Variants in SP110 observed in about 807,000 individuals in gnomAD.
SP110 encodes the protein interferon-induced protein 41, 30kD.
A neutral mutation model predicts 92.7 loss-of-function variants in SP110; 62 were observed. The observed-to-expected ratio is 0.67, with a 90% CI of 0.55 to 0.83. The LOEUF (loss-of-function observed/expected upper bound fraction) is 0.83, where lower values mean the gene tolerates loss of function less well. Among genes scored for constraint, SP110 ranks in the 40% least tolerant of loss-of-function variants. The probability of loss-of-function intolerance (pLI) is 0.00; values close to 1 mark genes in which losing one functional copy is unlikely to be tolerated. For synonymous variants in SP110, 273 were observed against 305.3 expected, an observed-to-expected ratio of 0.89 and a Z score of 1.10; for missense variants, 793 against 863.9, an observed-to-expected ratio of 0.92 and a Z score of 1.03.
At chr2:230,187,176 C>A (rs1238589464) in intron 10 of SP110, among the ~76,000 whole-genome samples, 1 of 151,758 alleles carries the variant, frequency 6.6e-6, no homozygotes, top group Admixed American at 6.6e-5. Context: ...TTTTTTTTGA[C>A]TTCTTAATAA....
At chr2:230,208,280 C>T (rs1375915310) in intron 7 of SP110, among the ~76,000 whole-genome samples, 1 of 152,088 alleles carries the variant, frequency 6.6e-6, no homozygotes, top group Non-Finnish European at 1.5e-5. Context: ...TTAGGTAGCT[C>T]ATTTCTAGAA....
upstream of SP110, among the ~76,000 whole-genome samples, chr2:230,222,840 G>GTT (rs35018428): frequency 5.7e-4 from 74 of 128,892 alleles, no homozygotes; most frequent in South Asian, 1.6e-3. Flanking sequence ...GTGTATTAAA[G>GTT]TTTTTTTTTT....
At chr2:230,204,700 A>C (rs965384264) in intron 8 of SP110, among the ~76,000 whole-genome samples, 21 of 152,306 alleles carry the variant, frequency 1.4e-4, no homozygotes, top group South Asian at 4.1e-4. Flanking sequence ...ATTACAATAG[A>C]GTATTTGGAA....
intron 10 of SP110, among the ~76,000 whole-genome samples, chr2:230,194,324 G>T (rs1050745494): frequency 6.6e-6 from 1 of 152,112 alleles, no homozygotes; most frequent in African/African-American, 2.4e-5. Context: ...AAAGGGGCCA[G>T]GTGCAGGGGC....
At chr2:230,181,716 G>T (rs573524627) in intron 12 of SP110, among the ~76,000 whole-genome samples, 18 of 152,346 alleles carry the variant, frequency 1.2e-4, no homozygotes, top group African/African-American at 4.3e-4. Flanking sequence ...CCACATCACT[G>T]AGCATTAGAG....
At chr2:230,172,310 C>T in intron 15 of SP110, 136 bp from the exon 16 acceptor site, 1 of 732,416 alleles carries the variant, frequency 1.4e-6, no homozygotes, top group Non-Finnish European at 2.5e-6. Context: ...TGTCCAAGAT[C>T]CCCACATGGG....
At chr2:230,217,375 G>A (rs1442078580) in intron 1 of SP110, among the ~76,000 whole-genome samples, 1 of 152,064 alleles carries the variant, frequency 6.6e-6, no homozygotes, top group Non-Finnish European at 1.5e-5. Context: ...GCAAAGCAAT[G>A]TCTGCCTAAA....
At position 230,165,916 on chromosome 2, in the gene SP110, CAG is replaced by C. The variant is rs2078305124; in HGVS notation, c.*3206_*3207del. Among the ~76,000 whole-genome samples, 2 of 106,978 alleles carry C rather than the reference CAG, an allele frequency of 1.9e-5. No individual in the cohort carries two copies. The highest frequency in any genetic ancestry group is 2.0e-5 in the Non-Finnish European group (1 of 50,028). The allele number at this position is 106,978 out of a possible 152,430, so 70.2% of individuals were successfully genotyped here. On this transcript the variant is annotated 3_prime_UTR_variant, in exon 19 of 19. Transcript: ENST00000258381. The stretch of plus-strand genomic sequence containing the variant: ...ATAACTTTTTTTTTTTTTTTTGAAA[CAG>C]AGTCTTACTCTGTTGCCCAGGCTGG...
intron 6 of SP110, 111 bp from the exon 7 acceptor site, chr2:230,210,119 G>A (rs556540639): frequency 3.0e-4 from 231 of 779,098 alleles, no homozygotes; most frequent in Non-Finnish European, 4.8e-4. Context: ...GCCCAGGGCC[G>A]GGAATCTGCT....
intron 13 of SP110, 90 bp downstream of exon 13, chr2:230,178,067 T>C (rs2148715550): frequency 1.2e-6 from 1 of 817,968 alleles, no homozygotes; most frequent in Non-Finnish European, 2.1e-6. Flanking sequence ...AGGGTCCATT[T>C]CCTGATCAAT....
intron 18 of SP110, among the ~76,000 whole-genome samples, chr2:230,170,126 T>C (rs1451629393): frequency 1.3e-5 from 2 of 152,196 alleles, no homozygotes; most frequent in Non-Finnish European, 1.5e-5. Flanking sequence ...TGTCCCTCCC[T>C]AGTAAAGGAG....
chr2:230,211,562 A>G lies in SP110; in HGVS notation c.668-9T>C. On this transcript the variant is annotated splice_polypyrimidine_tract_variant and intron_variant, in intron 5 of 18. Transcript: ENST00000258381. This position sits in a 1 kb window ranked among gnomAD's most constrained non-coding sequence, Gnocchi z 4.2. The stretch of plus-strand genomic sequence containing the variant: ...CAGGTTGTCACTGGCCACTGAATGG[A>G]GGAAGAAAAAGTTTTAGATCTCAGG... 3 of 1,558,228 alleles carry G rather than the reference A, an allele frequency of 1.9e-6. No individual in the cohort carries two copies. Among genetic ancestry groups the G allele is most frequent in the Non-Finnish European group, 2.7e-6 (3 of 1,129,150 alleles).
chr2:230,197,284 T>C (rs202032419), intron 10 of SP110, among the ~76,000 whole-genome samples: 36,251 of 149,044 alleles, frequency 0.24, 5,349 homozygotes, highest in Non-Finnish European at 0.34. Flanking sequence ...TGCATTTCTC[T>C]GATGGCCAGT....
chr2:230,211,485 A>G lies in SP110; in HGVS notation c.736T>C (p.Leu246=). 1 of 1,605,780 alleles carries G rather than the reference A, an allele frequency of 6.2e-7. No individual in the cohort carries two copies. The highest frequency in any genetic ancestry group is 8.5e-7 in the Non-Finnish European group (1 of 1,172,318). ...EDPQEMPHSP[L]GSMPEIRDNS... ...CCAAGATTACCTGGCATAGAGCCCA[A>G]GGGAGAGTGGGGCATCTCTTGAGGG... The change falls in exon 6 of 19, where the codon TTG becomes CTG. Residue 246 remains leucine, a synonymous_variant. Transcript: ENST00000258381. This position sits in a 1 kb window ranked among gnomAD's most constrained non-coding sequence, Gnocchi z 4.2.
chr2:230,217,642 A>C (rs969826857), intron 1 of SP110, among the ~76,000 whole-genome samples: 2 of 152,222 alleles, frequency 1.3e-5, no homozygotes, highest in African/African-American at 2.4e-5. Flanking sequence ...TGAGGAACTG[A>C]GACACAGAAA....
chr2:230,172,391 C>T (rs868635378), intron 15 of SP110: 1 of 609,712 alleles, frequency 1.6e-6, no homozygotes, highest in African/African-American at 1.8e-5. Context: ...GGTGGTGTCA[C>T]TGTTAAGTGT....
chr2:230,211,657 A>T lies in SP110; in HGVS notation c.668-104T>A. ...TTCCAACAAGTAAAAATGACGGGGTAACAGCAACCAAGGCCTGGGAAAGGA... is the reference window on the plus strand; with the variant it reads ...TTCCAACAAGTAAAAATGACGGGGTTACAGCAACCAAGGCCTGGGAAAGGA... On this transcript the variant is annotated intron_variant, in intron 5 of 18. Transcript: ENST00000258381. This position sits in a 1 kb window ranked among gnomAD's most constrained non-coding sequence, Gnocchi z 4.2. 2.6e-6 allele frequency: 2 copies of T among 769,158 alleles called. No homozygotes were observed. The highest frequency in any genetic ancestry group is 4.6e-6 in the Non-Finnish European group (2 of 430,192). 47.6% of individuals were successfully genotyped at this position (769,158 alleles called of 1,614,324 possible). A position where few individuals can be genotyped will look rare whatever the true frequency, so the allele number is the denominator to read the frequency against.
At chr2:230,169,306 T>G in intron 18 of SP110, 69 bp from the exon 19 acceptor site, 1 of 948,090 alleles carries the variant, frequency 1.1e-6, no homozygotes, top group South Asian at 1.3e-5. Flanking sequence ...CACTCATACT[T>G]TTTTTTGTGT....
At chr2:230,208,577 T>C (rs1420945662) in intron 7 of SP110, among the ~76,000 whole-genome samples, 1 of 152,180 alleles carries the variant, frequency 6.6e-6, no homozygotes, top group East Asian at 1.9e-4. Context: ...TATCTCCTTA[T>C]GGTGCAGGAG....
Sources: gnomAD v4.1 joint callset for allele counts (sites outside exome capture counted in the v4.1 genomes callset) on GRCh38, gnomAD v4.1.1 for gene constraint, Gnocchi (gnomAD v3.1) non-coding constraint, MANE v1.5 for transcripts, NCBI Gene and HGNC (gene_info 2026-07-23, HGNC 2026-07-21) for gene names.